The following NEO1 variants were observed in gnomAD, a reference collection of about 807,000 sequenced individuals.
NEO1 encodes neogenin.
Under a neutral mutation model 159.7 loss-of-function variants are expected in NEO1, and 63 were observed. The ratio of observed to expected loss-of-function variants is 0.39; its 90% CI spans 0.32 to 0.49. The LOEUF (loss-of-function observed/expected upper bound fraction) is 0.49, where lower values mean the gene tolerates loss of function less well. NEO1 is among the 20% of genes least tolerant of loss of function. The pLI, the probability that NEO1 is intolerant of heterozygous loss-of-function variation, is 0.85. For missense variants in NEO1, 1,615 were observed against 1,831.0 expected (o/e 0.88, Z 2.15); for synonymous variants, 633 against 662.0 (o/e 0.96, Z 0.67).
At chr15:73,212,632 A>G (rs905886395) in intron 7 of NEO1, among the ~76,000 whole-genome samples, 1 of 152,228 alleles carries the variant, frequency 6.6e-6, no homozygotes, top group African/African-American at 2.4e-5. Context: ...CTTTTGACTC[A>G]GCATTTCCAC....
At chr15:73,162,067 G>A (rs1188726230) in intron 5 of NEO1, 3 of 233,882 alleles carry the variant, frequency 1.3e-5, no homozygotes, top group Non-Finnish European at 2.6e-5. Flanking sequence ...TGGCTGGAGT[G>A]TCTCATACAG....
chr15:73,229,106 T>A (rs1366784477), intron 7 of NEO1, among the ~76,000 whole-genome samples: 1 of 152,192 alleles, frequency 6.6e-6, no homozygotes, highest in Non-Finnish European at 1.5e-5. Flanking sequence ...TCTTCTAGCA[T>A]GTTAATAGTT....
At chr15:73,282,381 C>G (rs535870562) in intron 22 of NEO1, among the ~76,000 whole-genome samples, 28 of 152,352 alleles carry the variant, frequency 1.8e-4, no homozygotes. Flanking sequence ...CACATAGTAA[C>G]CATTCAGTAT....
intron 24 of NEO1, among the ~76,000 whole-genome samples, 170 bp downstream of exon 24, chr15:73,288,721 T>C (rs557003092): frequency 1.3e-5 from 2 of 152,266 alleles, no homozygotes; most frequent in East Asian, 3.9e-4. Flanking sequence ...ACCTAGCTTC[T>C]TATGGGAGAG....
At chr15:73,134,435 T>C (rs1482712339) in intron 4 of NEO1, among the ~76,000 whole-genome samples, 1 of 152,228 alleles carries the variant, frequency 6.6e-6, no homozygotes, top group African/African-American at 2.4e-5. Flanking sequence ...TTACCTAGAC[T>C]TTACAATGTA....
chr15:73,176,701 C>A, intron 6 of NEO1, 144 bp downstream of exon 6: 1 of 573,592 alleles, frequency 1.7e-6, no homozygotes, highest in Non-Finnish European at 2.8e-6. Context: ...GTAATACCTT[C>A]ATTGGCTGAT....
Position 73,270,345 on chromosome 15 carries a change from G to A in NEO1, c.2748G>A (p.Leu916=). Reference sequence around the variant, plus strand: ...CAAATGCAACCACTTTGAGTTATTTGGTGACTGGTTTAAAGCCGAATACAC... The same window carrying A: ...CAAATGCAACCACTTTGAGTTATTTAGTGACTGGTTTAAAGCCGAATACAC... The part of the protein sequence containing the change: ...KNANATTLSY[L]VTGLKPNTLY... Residue 916 remains leucine (L), a synonymous_variant, in exon 18 of 29, where the codon TTG becomes TTA. Coordinates refer to ENST00000261908, the MANE Select transcript of NEO1 (RefSeq NM_002499.4). The A allele has an allele frequency of 6.2e-7, 1 of 1,614,078 alleles. No homozygotes were observed. The highest frequency in any genetic ancestry group is 8.5e-7 in the Non-Finnish European group (1 of 1,180,022).
At chr15:73,185,035 A>G (rs2035842394) in intron 7 of NEO1, among the ~76,000 whole-genome samples, 1 of 152,220 alleles carries the variant, frequency 6.6e-6, no homozygotes, top group East Asian at 1.9e-4. Flanking sequence ...AGCCAATTTG[A>G]AAGGGCTAAA....
intron 1 of NEO1, among the ~76,000 whole-genome samples, chr15:73,061,274 G>A (rs1296813569): frequency 2.0e-5 from 3 of 152,166 alleles, no homozygotes; most frequent in South Asian, 2.1e-4. Context: ...TCCCATAAAC[G>A]GAAGTTACTG....
intron 1 of NEO1, among the ~76,000 whole-genome samples, chr15:73,094,636 C>T (rs2151466946): frequency 6.6e-6 from 1 of 152,280 alleles, no homozygotes; most frequent in Non-Finnish European, 1.5e-5. Flanking sequence ...TGATAATTAT[C>T]CCCTCTTCAC....
intron 5 of NEO1, among the ~76,000 whole-genome samples, chr15:73,138,162 CAAA>C (rs1165115496): frequency 6.6e-6 from 1 of 151,832 alleles, no homozygotes; most frequent in Non-Finnish European, 1.5e-5. Context: ...ATATCAAAGA[CAAA>C]AAAATTCTAA....
chr15:73,182,788 A>G (rs1013687297), intron 7 of NEO1, among the ~76,000 whole-genome samples: 6 of 151,994 alleles, frequency 3.9e-5, no homozygotes, highest in Non-Finnish European at 7.4e-5. Flanking sequence ...CGTGGGAATT[A>G]TGGGAGCTAC....
intron 11 of NEO1, among the ~76,000 whole-genome samples, chr15:73,250,150 G>A (rs2040000162): frequency 6.6e-6 from 1 of 151,874 alleles, no homozygotes. Context: ...TCTCTCACCT[G>A]TGACTGAATT....
chr15:73,073,565 A>G (rs1387637605), intron 1 of NEO1, among the ~76,000 whole-genome samples: 1 of 152,118 alleles, frequency 6.6e-6, no homozygotes, highest in Non-Finnish European at 1.5e-5. Flanking sequence ...TTTCCTGGGA[A>G]GGTTGGGAGA....
chr15:73,254,925 C>G, intron 13 of NEO1, 96 bp downstream of exon 13: 1 of 1,339,078 alleles, frequency 7.5e-7, no homozygotes, highest in Non-Finnish European at 1.0e-6. Context: ...TCGACTTATA[C>G]AAACAAATTT....
chr15:73,124,029 C>T (rs2071825097), intron 3 of NEO1, among the ~76,000 whole-genome samples: 1 of 151,478 alleles, frequency 6.6e-6, no homozygotes, highest in Non-Finnish European at 1.5e-5. Flanking sequence ...TGCGTTTGTG[C>T]GTGTGTGTGT....
At chr15:73,052,313 C>T (rs1226040520), upstream of NEO1, among the ~76,000 whole-genome samples, 1 of 145,716 alleles carries the variant, frequency 6.9e-6, no homozygotes, top group South Asian at 2.1e-4. Context: ...GCCCCCGCCC[C>T]CGCCCCCGCC....
chr15:73,265,626 A>G (rs1214655371), intron 15 of NEO1, among the ~76,000 whole-genome samples: 2 of 152,110 alleles, frequency 1.3e-5, no homozygotes, highest in African/African-American at 4.8e-5. Flanking sequence ...GTGTTGCCCA[A>G]AGCACTTTTT....
intron 23 of NEO1, among the ~76,000 whole-genome samples, chr15:73,286,364 CT>C (rs1161578914): frequency 1.3e-5 from 2 of 152,182 alleles, no homozygotes; most frequent in African/African-American, 4.8e-5. Context: ...ACATTTTCTT[CT>C]TTTGTATCCA....
Sources: allele counts gnomAD v4.1 joint callset (sites outside exome capture counted in the v4.1 genomes callset), GRCh38; gene constraint gnomAD v4.1.1; transcripts MANE v1.5; gene names NCBI Gene and HGNC (gene_info 2026-07-23, HGNC 2026-07-21).